ITGB5: variants seen among roughly 807,000 people sequenced by gnomAD.
ITGB5 encodes the protein integrin beta-5.
ITGB5 carries 38 observed loss-of-function variants against 84.8 expected under a neutral mutation model. The ratio of observed to expected loss-of-function variants is 0.45; its 90% CI spans 0.35 to 0.59. The LOEUF (loss-of-function observed/expected upper bound fraction) is 0.59, where lower values mean the gene tolerates loss of function less well. Ranked by LOEUF, ITGB5 falls within the 20% of genes least tolerant of loss-of-function variation. The probability of loss-of-function intolerance (pLI) is 0.01; values close to 1 mark genes in which losing one functional copy is unlikely to be tolerated. For missense variants in ITGB5, 905 were observed against 1,034.5 expected, an observed-to-expected ratio of 0.87 and a Z score of 1.72; for synonymous variants, 393 against 414.4, an observed-to-expected ratio of 0.95 and a Z score of 0.63.
intron 1 of ITGB5, among the ~76,000 whole-genome samples, chr3:124,874,713 G>A (rs1934228327): frequency 1.3e-5 from 2 of 152,172 alleles, no homozygotes; most frequent in African/African-American, 4.8e-5. Flanking sequence ...CATTTACAGT[G>A]AACTGATCTT....
At chr3:124,766,688 AGAAAG>A (rs1039775325) in intron 12 of ITGB5, among the ~76,000 whole-genome samples, 3 of 152,156 alleles carry the variant, frequency 2.0e-5, no homozygotes, top group African/African-American at 7.2e-5. Flanking sequence ...AAAGGGATAA[AGAAAG>A]AAAGAAAAAC....
At chr3:124,887,695 G>A (rs1466569910), upstream of ITGB5, 1 of 453,642 alleles carries the variant, frequency 2.2e-6, no homozygotes, top group Non-Finnish European at 4.4e-6. Flanking sequence ...GCTGTATTAG[G>A]CGAGCCGAGA....
chr3:124,815,895 T>G (rs78124610), intron 8 of ITGB5, among the ~76,000 whole-genome samples: 2,230 of 152,210 alleles, frequency 0.015, 58 homozygotes, highest in African/African-American at 0.051. Flanking sequence ...GGTGTAAAGT[T>G]AATTAGGAAA....
chr3:124,888,689 A>G (rs1430046122), upstream of ITGB5, among the ~76,000 whole-genome samples: 1 of 152,182 alleles, frequency 6.6e-6, no homozygotes, highest in African/African-American at 2.4e-5. Context: ...GACAGCTAGG[A>G]TGCCTCGTTC....
chr3:124,763,555 G>C lies in ITGB5; in HGVS notation c.*68C>G. ...TAGGGAGCTGTGATCAAGCCGAGCA[G>C]CCGTGCAAGGCGTTTCAGTCTGACC... On this transcript the variant is annotated 3_prime_UTR_variant, in exon 15 of 15. Coordinates refer to ENST00000296181, the MANE Select transcript of ITGB5 (RefSeq NM_002213.5). 1 of 944,358 alleles carries C rather than the reference G, an allele frequency of 1.1e-6. No individual in the cohort carries two copies. The highest frequency in any genetic ancestry group is 2.4e-5 in the East Asian group (1 of 41,490). The allele number at this position is 944,358 out of a possible 1,614,324, so 58.5% of individuals were successfully genotyped here. A position where few individuals can be genotyped will look rare whatever the true frequency, so the allele number is the denominator to read the frequency against.
chr3:124,850,203 G>A (rs1372595469), intron 3 of ITGB5, among the ~76,000 whole-genome samples: 1 of 151,714 alleles, frequency 6.6e-6, no homozygotes, highest in Non-Finnish European at 1.5e-5. Context: ...TCACTAACTA[G>A]ATCACGAAGA....
chr3:124,841,436 G>T lies in ITGB5; in HGVS notation c.727C>A (p.Arg243=). 6.2e-7 allele frequency: 1 copy of T among 1,614,246 alleles called. No individual in the cohort carries two copies. The highest frequency in any genetic ancestry group is 1.3e-5 in the African/African-American group (1 of 75,058). Reference sequence around the variant, plus strand: ...TCAAAGCCCCCCTCAGGGGCATCTCGGTTCCGGGACACCCTCTGTTTCCGA... The same window carrying T: ...TCAAAGCCCCCCTCAGGGGCATCTCTGTTCCGGGACACCCTCTGTTTCCGA... ...EVRKQRVSRN[R]DAPEGGFDAV... is the part of the protein sequence containing the mutation. Residue 243 remains arginine, a synonymous_variant, in exon 5 of 15, where the codon CGA becomes AGA. Coordinates refer to ENST00000296181, the MANE Select transcript of ITGB5 (RefSeq NM_002213.5).
intron 1 of ITGB5, among the ~76,000 whole-genome samples, chr3:124,900,439 T>C (rs978832903): frequency 2.0e-5 from 3 of 152,258 alleles, no homozygotes; most frequent in Non-Finnish European, 4.4e-5. Flanking sequence ...AAACTGGCTC[T>C]CTCACCTGGA....
chr3:124,773,957 C>T (rs527586058), intron 10 of ITGB5, 45 bp from the exon 11 acceptor site: 1 of 1,535,706 alleles, frequency 6.5e-7, no homozygotes, highest in Non-Finnish European at 9.0e-7. Flanking sequence ...CACCTTTACA[C>T]ATGAGCACAT....
In ITGB5 at chr3:124,850,600, G is replaced by A. The variant is rs372643358; in HGVS notation, c.362-2042C>T. On this transcript the variant is annotated intron_variant, in intron 3 of 14. Transcript: ENST00000296181. ...GGAGATATACCTAATGCTAGATGACGAGTTAGTGGGTGCAGCGCACCAGCA... is the reference window on the plus strand; with the variant it reads ...GGAGATATACCTAATGCTAGATGACAAGTTAGTGGGTGCAGCGCACCAGCA... Among the ~76,000 whole-genome samples, 535 of 150,318 alleles carry A rather than the reference G, an allele frequency of 3.6e-3. 6 individuals are homozygous for A. The highest frequency in any genetic ancestry group is 0.011 in the African/African-American group (455 of 40,980).
intron 1 of ITGB5, among the ~76,000 whole-genome samples, chr3:124,895,090 A>G (rs573763653): frequency 3.3e-5 from 5 of 152,304 alleles, no homozygotes; most frequent in African/African-American, 1.2e-4. Context: ...ATAGGAGTGG[A>G]GTGATAAGAC....
At chr3:124,810,315 T>C (rs907873584) in intron 8 of ITGB5, among the ~76,000 whole-genome samples, 22 of 152,276 alleles carry the variant, frequency 1.4e-4, no homozygotes, top group Admixed American at 1.1e-3. Flanking sequence ...TGGTTGCCCT[T>C]GAGGGATTGC....
chr3:124,812,325 A>T (rs1024202838), intron 8 of ITGB5, among the ~76,000 whole-genome samples: 2 of 152,194 alleles, frequency 1.3e-5, no homozygotes, highest in Non-Finnish European at 2.9e-5. Flanking sequence ...GAATGTCAGA[A>T]GTGTAAAGGC....
intron 10 of ITGB5, among the ~76,000 whole-genome samples, chr3:124,782,866 AAAAG>A (rs2064024345): frequency 6.6e-6 from 1 of 150,568 alleles, no homozygotes; most frequent in Non-Finnish European, 1.5e-5. Flanking sequence ...CGTCTCAAAA[AAAAG>A]AAAAAAAAAA....
chr3:124,820,220 T>C (rs1190292800), intron 6 of ITGB5, among the ~76,000 whole-genome samples: 3 of 152,192 alleles, frequency 2.0e-5, no homozygotes, highest in African/African-American at 7.2e-5. Context: ...ACCTGTCCTC[T>C]CTCCTCTAAG....
At chr3:124,822,900 G>A (rs1443427508) in intron 5 of ITGB5, among the ~76,000 whole-genome samples, 1 of 152,198 alleles carries the variant, frequency 6.6e-6, no homozygotes, top group Non-Finnish European at 1.5e-5. Flanking sequence ...GGGAGAGGAG[G>A]AGGAGGGAGA....
chr3:124,852,295 T>C (rs140219803), intron 3 of ITGB5, among the ~76,000 whole-genome samples: 70 of 152,232 alleles, frequency 4.6e-4, no homozygotes, highest in Middle Eastern at 3.4e-3. Flanking sequence ...TCCCTGTAGC[T>C]ATATCCCTTC....
Position 124,764,454 on chromosome 3 carries a change from G to A in ITGB5, c.2241C>T (p.Thr747=). Residue 747 remains threonine, a synonymous_variant, in exon 14 of 15, where the codon ACC becomes ACT. Coordinates refer to ENST00000296181, the MANE Select transcript of ITGB5 (RefSeq NM_002213.5). ...ALLAIWKLLV[T]IHDRREFAKF... ...TTGCAAACTCCCTCCGGTCGTGGAT[G>A]GTGACAAGCAGCTTCCAGATAGCCA... 2 of 1,614,106 alleles carry A rather than the reference G, an allele frequency of 1.2e-6. No individual in the cohort carries two copies. Among genetic ancestry groups the A allele is most frequent in the Non-Finnish European group, 1.7e-6 (2 of 1,180,004 alleles).
At chr3:124,847,946 A>G (rs555841553) in intron 4 of ITGB5, among the ~76,000 whole-genome samples, 4 of 152,306 alleles carry the variant, frequency 2.6e-5, no homozygotes, top group Admixed American at 2.6e-4. Flanking sequence ...AAAGCACCTC[A>G]GTTACTACAA....
Sources: gnomAD v4.1 joint callset for allele counts (sites outside exome capture counted in the v4.1 genomes callset) on GRCh38, gnomAD v4.1.1 for gene constraint, MANE v1.5 for transcripts, NCBI Gene and HGNC (gene_info 2026-07-23, HGNC 2026-07-21) for gene names.